Variants in ENPP1 observed in about 807,000 individuals in gnomAD.
The protein encoded by ENPP1 is ectonucleotide pyrophosphatase/phosphodiesterase 1, also known as ectonucleotide pyrophosphatase/phosphodiesterase family member 1.
In ENPP1, 73 loss-of-function variants were observed where a neutral mutation model predicts 122.8. The observed-to-expected ratio is 0.59, with a 90% confidence interval of 0.49 to 0.72. The LOEUF (loss-of-function observed/expected upper bound fraction) is 0.72. ENPP1 is among the 30% of genes least tolerant of loss of function. The pLI is 0.00. For synonymous variants in ENPP1, 367 were observed against 391.6 expected, an observed-to-expected ratio of 0.94 and a Z score of 0.74; for missense variants, 978 against 1,128.1, an observed-to-expected ratio of 0.87 and a Z score of 1.91.
chr6:131,873,196 C>T (rs1478042714), intron 15 of ENPP1, 146 bp downstream of exon 15: 1 of 978,866 alleles, frequency 1.0e-6, no homozygotes, highest in Non-Finnish European at 1.6e-6. Flanking sequence ...TAATGTCGGC[C>T]TATGGATGTT....
intron 7 of ENPP1, among the ~76,000 whole-genome samples, chr6:131,860,084 C>CA (rs1251862888): frequency 6.6e-6 from 1 of 152,158 alleles, no homozygotes; most frequent in Non-Finnish European, 1.5e-5. Flanking sequence ...CTCAGCCTCC[C>CA]AAAGTGCTGA....
rs763877574 is a variant in ENPP1 at position 131,827,453 on chromosome 6, A to G, written c.240+19178A>G. ...AGGAGGAGGTCAGACTGTAGAGTACATCCAAAATGGTATAAAATGAAGCCA... is the reference window on the plus strand; with the variant it reads ...AGGAGGAGGTCAGACTGTAGAGTACGTCCAAAATGGTATAAAATGAAGCCA... On this transcript the variant is annotated intron_variant, in intron 1 of 24. Coordinates refer to ENST00000647893, the MANE Select transcript of ENPP1 (RefSeq NM_006208.3). The G allele has an allele frequency of 1.1e-5, 7 of 661,404 alleles. No homozygotes were observed. In the South Asian group the frequency reaches 1.2e-4, roughly 11 times the overall value. 41.0% of individuals were successfully genotyped at this position (661,404 alleles called of 1,614,324 possible). A position where few individuals can be genotyped will look rare whatever the true frequency, so the allele number is the denominator to read the frequency against.
chr6:131,822,344 A>G (rs1781493442), intron 1 of ENPP1, among the ~76,000 whole-genome samples: 1 of 152,200 alleles, frequency 6.6e-6, no homozygotes, highest in African/African-American at 2.4e-5. Context: ...ACCTTTGAAC[A>G]ATTACTTTCT....
rs1304091211 is a variant in ENPP1 at position 131,854,946 on chromosome 6, T to C, written c.638T>C (p.Leu213Pro). 6.2e-7 allele frequency: 1 copy of C among 1,613,572 alleles called. No individual in the cohort carries two copies. The change falls in exon 6 of 25, where the codon CTC becomes CCC. Residue 213 changes from leucine to proline, a missense_variant. Leu to Pro is a moderately conservative substitution (Grantham distance 98). Transcript: ENST00000647893. ...CPAGFETPPT[L>P]LFSLDGFRAE... Reference sequence around the variant, plus strand: ...CCCAGGTTTGAAACGCCTCCTACCCTCTTATTTTCTTTGGATGGATTCAGG... The same window carrying C: ...CCCAGGTTTGAAACGCCTCCTACCCCCTTATTTTCTTTGGATGGATTCAGG...
intron 4 of ENPP1, 50 bp downstream of exon 4, chr6:131,851,317 AG>A: frequency 1.2e-6 from 2 of 1,613,132 alleles, no homozygotes; most frequent in Non-Finnish European, 1.7e-6. Context: ...CCAGCGTCTT[AG>A]CGGGGCTTTA....
Position 131,861,673 on chromosome 6 carries a change from A to C in ENPP1, c.994A>C (p.Ile332Leu). The C allele has an allele frequency of 1.2e-6, 2 of 1,612,202 alleles. No homozygotes were observed. The highest frequency in any genetic ancestry group is 1.7e-6 in the Non-Finnish European group (2 of 1,178,282). ...WPGSDVEING[I>L]FPDIYKMYNG... The stretch of plus-strand genomic sequence containing the variant: ...AGGATCAGATGTGGAAATTAACGGA[A>C]TTTTCCCAGACATCTATAAAATGTA... Residue 332 changes from isoleucine to leucine, a missense_variant, in exon 9 of 25, where the codon ATT becomes CTT. Transcript: ENST00000647893.
intron 24 of ENPP1, among the ~76,000 whole-genome samples, chr6:131,887,746 T>C (rs1267760321): frequency 2.8e-5 from 4 of 145,044 alleles, no homozygotes; most frequent in Admixed American, 1.4e-4. Context: ...TTTTTTTTTT[T>C]AGTAGAGATG....
chr6:131,878,246 A>T (rs1301236489), intron 18 of ENPP1, among the ~76,000 whole-genome samples: 6 of 151,938 alleles, frequency 3.9e-5, no homozygotes, highest in Non-Finnish European at 8.8e-5. Context: ...AACTAAAAAA[A>T]TTAGCTGGGC....
chr6:131,841,810 T>TGGTGCTAGCATCTCCTCGGTGAGGA (rs1279374142), intron 1 of ENPP1, among the ~76,000 whole-genome samples: 9 of 152,150 alleles, frequency 5.9e-5, no homozygotes, highest in African/African-American at 1.9e-4. Flanking sequence ...TAGAGAAACA[T>TGGTGCTAGCATCTCCTCGGTGAGGA]GGTGCTAGCA....
At chr6:131,827,186 G>T in intron 1 of ENPP1, 1 of 771,830 alleles carries the variant, frequency 1.3e-6, no homozygotes, top group Non-Finnish European at 2.4e-6. Flanking sequence ...ACAAGCTAAT[G>T]TTTTTCAGTT....
intron 16 of ENPP1, among the ~76,000 whole-genome samples, chr6:131,874,853 C>G (rs1357218638): frequency 6.6e-6 from 1 of 152,000 alleles, no homozygotes; most frequent in African/African-American, 2.4e-5. Context: ...CACACACACA[C>G]ACACATACCA....
At chr6:131,857,292 A>G (rs1481876984) in intron 6 of ENPP1, among the ~76,000 whole-genome samples, 2 of 148,906 alleles carry the variant, frequency 1.3e-5, no homozygotes, top group East Asian at 1.9e-4. Context: ...CAGCCATCCC[A>G]TTACTGGGTA....
At chr6:131,828,627 G>A (rs777489783) in intron 1 of ENPP1, among the ~76,000 whole-genome samples, 53 of 152,116 alleles carry the variant, frequency 3.5e-4, no homozygotes, top group Non-Finnish European at 5.4e-4. Context: ...GATGGATGAG[G>A]CTAATGAGTG....
chr6:131,879,144 T>C (rs539427605), intron 19 of ENPP1, among the ~76,000 whole-genome samples: 3 of 152,278 alleles, frequency 2.0e-5, no homozygotes, highest in African/African-American at 7.2e-5. Flanking sequence ...AGAGGTAAAT[T>C]CTGCATTAGT....
intron 6 of ENPP1, among the ~76,000 whole-genome samples, chr6:131,855,701 C>T (rs190809856): frequency 1.3e-5 from 2 of 151,436 alleles, no homozygotes; most frequent in African/African-American, 2.4e-5. Flanking sequence ...CGAGTACAGA[C>T]ATAGAATATT....
At position 131,882,366 on chromosome 6, in the gene ENPP1, T is replaced by C. The variant is rs1585841892; in HGVS notation, c.2122T>C (p.Phe708Leu). 1 of 1,604,884 alleles carries C rather than the reference T, an allele frequency of 6.2e-7. No individual in the cohort carries two copies. The highest frequency in any genetic ancestry group is 8.5e-7 in the Non-Finnish European group (1 of 1,174,138). Reference protein sequence around the residue: ...DRNDSFSTEDFSNCLYQDFRI... With the variant: ...DRNDSFSTEDLSNCLYQDFRI... ...TCAGGACAGTTTCTCTACGGAAGAC[T>C]TCTCCAACTGTCTGTACCAGGACTT... is the stretch of plus-strand genomic sequence containing the variant. The change falls in exon 21 of 25, where the codon TTC (phenylalanine) becomes CTC (leucine). Residue 708 changes from phenylalanine (F) to leucine (L), a missense_variant. Phe to Leu is a conservative substitution (Grantham distance 22). Coordinates refer to ENST00000647893, the MANE Select transcript of ENPP1 (RefSeq NM_006208.3).
rs559538090 is a variant in ENPP1 at position 131,823,003 on chromosome 6, A to G, written c.240+14728A>G. 2.0e-5 allele frequency among the ~76,000 whole-genome samples: 3 copies of G among 152,320 alleles called. No homozygotes were observed. The South Asian group carries it at 6.2e-4, about 32-fold the overall frequency. On this transcript the variant is annotated intron_variant, in intron 1 of 24. Transcript: ENST00000647893. ...TACTCCTAAGCCGAGACTAGTTTTTATTTCCCACACGCGGGATAACAGTAG... is the reference window on the plus strand; with the variant it reads ...TACTCCTAAGCCGAGACTAGTTTTTGTTTCCCACACGCGGGATAACAGTAG...
chr6:131,846,570 C>T (rs1407333642), intron 1 of ENPP1, among the ~76,000 whole-genome samples: 1 of 152,180 alleles, frequency 6.6e-6, no homozygotes, highest in African/African-American at 2.4e-5. Flanking sequence ...CAACCTTTCT[C>T]CTTCTTTAAA....
At chr6:131,847,721 A>T in intron 1 of ENPP1, 55 bp from the exon 2 acceptor site, 2 of 1,242,414 alleles carry the variant, frequency 1.6e-6, no homozygotes, top group Non-Finnish European at 2.3e-6. Flanking sequence ...ATAAAAAATA[A>T]GATAAAATAT....
Sources: allele counts gnomAD v4.1 joint callset (sites outside exome capture counted in the v4.1 genomes callset), GRCh38; gene constraint gnomAD v4.1.1; transcripts MANE v1.5; gene names NCBI Gene and HGNC (gene_info 2026-07-23, HGNC 2026-07-21).